ORC4: variants seen among roughly 807,000 people sequenced by gnomAD.
ORC4 encodes the protein origin recognition complex subunit 4.
In ORC4, 55 loss-of-function variants were observed where a neutral mutation model predicts 63.9. The ratio of observed to expected loss-of-function variants is 0.86; its 90% CI spans 0.69 to 1.08. ORC4 has a LOEUF of 1.08. Ranked by LOEUF, ORC4 falls within the 50% of genes least tolerant of loss-of-function variation. The pLI, the probability that ORC4 is intolerant of heterozygous loss-of-function variation, is 0.00. For synonymous variants in ORC4, 150 were observed against 168.5 expected, an observed-to-expected ratio of 0.89 and a Z score of 0.85; for missense variants, 511 against 504.4, an observed-to-expected ratio of 1.01 and a Z score of -0.13.
rs17219029 is a variant in ORC4 at position 147,967,997 on chromosome 2, A to G, written c.225+4742T>C. ...AGAGAACCCAGAAATTAATCTGCTT[A>G]TCAACAGCCAACTGATTTTTACAAA... is the stretch of plus-strand genomic sequence containing the variant. On this transcript the variant is annotated intron_variant, in intron 4 of 13. Coordinates refer to ENST00000392857, the MANE Select transcript of ORC4 (RefSeq NM_181741.4). Among the ~76,000 whole-genome samples the G allele has an allele frequency of 7.3e-3, 1,116 of 152,242 alleles. 3 individuals are homozygous for G. Among genetic ancestry groups the G allele is most frequent in the Middle Eastern group, 0.014 (4 of 294 alleles).
chr2:147,965,158 G>C (rs1022008841), intron 4 of ORC4, among the ~76,000 whole-genome samples: 2 of 152,080 alleles, frequency 1.3e-5, no homozygotes, highest in African/African-American at 2.4e-5. Context: ...AAAGGAGAAA[G>C]AGAAAGGATC....
intron 1 of ORC4, among the ~76,000 whole-genome samples, chr2:147,998,773 T>C (rs1413340235): frequency 6.6e-6 from 1 of 152,156 alleles, no homozygotes; most frequent in Non-Finnish European, 1.5e-5. Context: ...AAAAGTAGTA[T>C]AGGACTAAGA....
At chr2:147,992,428 T>C (rs1050755701) in intron 1 of ORC4, among the ~76,000 whole-genome samples, 1 of 152,040 alleles carries the variant, frequency 6.6e-6, no homozygotes, top group Non-Finnish European at 1.5e-5. Flanking sequence ...GACAAAAATA[T>C]CATTTTTGTG....
intron 4 of ORC4, among the ~76,000 whole-genome samples, chr2:147,962,870 C>T (rs1689684985): frequency 6.6e-6 from 1 of 152,092 alleles, no homozygotes; most frequent in South Asian, 2.1e-4. Context: ...TGAAAAATAG[C>T]CCAGAAGGTT....
At chr2:147,947,205 G>A (rs1016006024) in intron 9 of ORC4, among the ~76,000 whole-genome samples, 3 of 151,754 alleles carry the variant, frequency 2.0e-5, no homozygotes, top group Non-Finnish European at 2.9e-5. Context: ...TATCCTTACC[G>A]GTATTTTAAC....
intron 1 of ORC4, among the ~76,000 whole-genome samples, chr2:148,007,771 A>G (rs1692720478): frequency 6.6e-6 from 1 of 152,222 alleles, no homozygotes; most frequent in Non-Finnish European, 1.5e-5. Flanking sequence ...CTTAAGGCAT[A>G]TAATAATTAA....
chr2:147,945,198 T>C (rs1688591334), intron 9 of ORC4, among the ~76,000 whole-genome samples: 1 of 152,078 alleles, frequency 6.6e-6, no homozygotes. Context: ...AAATTTTCTC[T>C]GCAAGAATCA....
At chr2:148,001,060 G>T (rs987005153) in intron 1 of ORC4, among the ~76,000 whole-genome samples, 6 of 152,062 alleles carry the variant, frequency 3.9e-5, no homozygotes, top group Non-Finnish European at 2.9e-5. Flanking sequence ...GGGGAAAACT[G>T]GGGTAGTGAC....
At chr2:147,969,287 G>A (rs1690072235) in intron 4 of ORC4, among the ~76,000 whole-genome samples, 1 of 151,930 alleles carries the variant, frequency 6.6e-6, no homozygotes, top group Admixed American at 6.6e-5. Context: ...GAAGGATACT[G>A]GATGTTCCCC....
chr2:148,011,286 G>A (rs577827078), intron 1 of ORC4, among the ~76,000 whole-genome samples: 1 of 152,202 alleles, frequency 6.6e-6, no homozygotes, highest in Non-Finnish European at 1.5e-5. Context: ...TAATCAAGTG[G>A]GATTCATCCC....
intron 2 of ORC4, among the ~76,000 whole-genome samples, chr2:147,974,533 G>A (rs17218973): frequency 2.8e-4 from 43 of 151,870 alleles, no homozygotes; most frequent in African/African-American, 1.0e-3. Context: ...TACTTGGGAG[G>A]CTGAGGCAGG....
chr2:147,961,649 C>T (rs1350438614), intron 4 of ORC4, among the ~76,000 whole-genome samples: 1 of 152,032 alleles, frequency 6.6e-6, no homozygotes, highest in African/African-American at 2.4e-5. Flanking sequence ...GAAACTATAT[C>T]AAAATGGAAT....
At chr2:147,969,432 A>G (rs1390431046) in intron 4 of ORC4, among the ~76,000 whole-genome samples, 1 of 152,108 alleles carries the variant, frequency 6.6e-6, no homozygotes, top group Non-Finnish European at 1.5e-5. Context: ...ATTTAAAAAT[A>G]AAGTATAAAA....
intron 2 of ORC4, 119 bp from the exon 3 acceptor site, chr2:147,973,643 C>G: frequency 1.6e-6 from 1 of 627,874 alleles, no homozygotes; most frequent in Non-Finnish European, 2.8e-6. Flanking sequence ...TCAACCCTCC[C>G]TAAATTCTTA....
chr2:148,005,668 A>G (rs1692581789), intron 1 of ORC4, among the ~76,000 whole-genome samples: 1 of 147,940 alleles, frequency 6.8e-6, no homozygotes. Flanking sequence ...AAAAAAAAAA[A>G]AAAAAAAAAA....
Position 147,939,220 on chromosome 2 carries a change from GA to G in ORC4, c.877del (p.Ser293ArgfsTer5). 1.2e-6 allele frequency: 2 copies of G among 1,612,066 alleles called. No individual in the cohort carries two copies. The highest frequency in any genetic ancestry group is 1.7e-6 in the Non-Finnish European group (2 of 1,178,364). Reference sequence around the variant, plus strand: ...ATCTACGGCAGTCATAAATGGGTGCGATGCTGTTACTCGATTTAAAGCAAGC... The same window carrying G: ...ATCTACGGCAGTCATAAATGGGTGCGTGCTGTTACTCGATTTAAAGCAAGC... ...LMLALNRVTA[S>X]HPFMTAVDLM... On this transcript the variant is annotated frameshift_variant, in exon 11 of 14. Transcript: ENST00000392857. LOFTEE classifies it high-confidence loss of function.
intron 1 of ORC4, among the ~76,000 whole-genome samples, chr2:148,013,512 C>G (rs921238500): frequency 6.6e-6 from 1 of 151,980 alleles, no homozygotes; most frequent in African/African-American, 2.4e-5. Context: ...TGTTCAGTAG[C>G]ACAATATAGT....
At chr2:147,937,032 A>T (rs1033059114) in intron 13 of ORC4, 2 of 151,968 alleles carry the variant, frequency 1.3e-5, no homozygotes, top group Non-Finnish European at 2.9e-5. Flanking sequence ...AAAAAAAAAA[A>T]AAAAAAAATT....
At position 147,938,349 on chromosome 2, in the gene ORC4, A is replaced by T. The variant is rs1350022890; in HGVS notation, c.1003T>A (p.Leu335Ile). The T allele has an allele frequency of 6.2e-7, 1 of 1,608,132 alleles. No homozygotes were observed. The highest frequency in any genetic ancestry group is 1.3e-5 in the African/African-American group (1 of 74,776). Residue 335 changes from leucine (L) to isoleucine (I), a missense_variant, in exon 12 of 14, where the codon TTA becomes ATA. Leu to Ile is a conservative substitution (Grantham distance 5, BLOSUM62 2). Coordinates refer to ENST00000392857, the MANE Select transcript of ORC4 (RefSeq NM_181741.4). ...GGCTCTTCCTCATAGATGTCATTTA[A>T]ATGTTTCATTGCTATTATAAGACAG... is the stretch of plus-strand genomic sequence containing the variant. ...EICLIIAMKHLNDIYEEEPFN... is the reference protein window; with the variant it reads ...EICLIIAMKHINDIYEEEPFN...
Sources: gnomAD v4.1 joint callset for allele counts (sites outside exome capture counted in the v4.1 genomes callset) on GRCh38, gnomAD v4.1.1 for gene constraint, MANE v1.5 for transcripts, NCBI Gene and HGNC (gene_info 2026-07-23, HGNC 2026-07-21) for gene names.